The following RIMS1 variants were observed in gnomAD, a reference collection of about 807,000 sequenced individuals.
RIMS1 encodes the protein regulating synaptic membrane exocytosis protein 1.
In RIMS1, 83 loss-of-function variants were observed where a neutral mutation model predicts 214.1. That is an observed-to-expected ratio of 0.39 (90% confidence interval 0.32 to 0.47). RIMS1 has a LOEUF of 0.47. RIMS1 is among the 20% of genes least tolerant of loss of function. The pLI is 0.99. For missense variants in RIMS1, 2,050 were observed against 2,161.8 expected, an observed-to-expected ratio of 0.95 and a Z score of 1.03; for synonymous variants, 793 against 786.8, an observed-to-expected ratio of 1.01 and a Z score of -0.13.
chr6:72,136,543 G>A (rs770818790), intron 4 of RIMS1, among the ~76,000 whole-genome samples: 1 of 151,962 alleles, frequency 6.6e-6, no homozygotes, highest in African/African-American at 2.4e-5. Flanking sequence ...TTTTGAAATC[G>A]AGAATTCTGT....
intron 28 of RIMS1, chr6:72,316,848 G>A (rs2095829167): frequency 2.0e-6 from 2 of 1,008,798 alleles, no homozygotes; most frequent in South Asian, 2.5e-5. Flanking sequence ...AGTGTAGATA[G>A]GCAAGTAGGA....
chr6:72,017,001 T>A (rs1211628914), intron 2 of RIMS1, among the ~76,000 whole-genome samples: 1 of 152,198 alleles, frequency 6.6e-6, no homozygotes, highest in African/African-American at 2.4e-5. Context: ...AAATATTTCA[T>A]ATTATTAGCT....
Position 71,992,402 on chromosome 6 carries a change from CTCTCTT to C in RIMS1, c.245+23343_245+23348del, listed in dbSNP as rs1169392077. 7.2e-3 allele frequency among the ~76,000 whole-genome samples: 1,041 copies of C among 144,054 alleles called. 9 individuals are homozygous for C. The highest frequency in any genetic ancestry group is 0.014 in the African/African-American group (544 of 38,490). The allele number at this position is 144,054 out of a possible 152,430, so 94.5% of individuals were successfully genotyped here. ...TTTGCTTGCTTCTTTCTTTCTCTCT[CTCTCTT>C]TCTTTCTTTCTTTCTTTCTTTCTTT... On this transcript the variant is annotated intron_variant, in intron 2 of 33. Transcript: ENST00000521978.
At position 71,887,132 on chromosome 6, in the gene RIMS1, A is replaced by C. The variant is rs754081836; in HGVS notation, c.109A>C (p.Met37Leu). 2 of 1,613,318 alleles carry C rather than the reference A, an allele frequency of 1.2e-6. No individual in the cohort carries two copies. Among genetic ancestry groups the C allele is most frequent in the Non-Finnish European group, 1.7e-6 (2 of 1,179,626 alleles). The change falls in exon 1 of 34, where the codon ATG becomes CTG. Residue 37 changes from methionine to leucine, a missense_variant. Transcript: ENST00000521978. ...GACCGAAGAGGAGAGGAACATTATC[A>C]TGGCAGTGATGGACCGGCAGAAGGA... ...HLTEEERNIIMAVMDRQKEEE... is the reference protein window; with the variant it reads ...HLTEEERNIILAVMDRQKEEE...
chr6:72,003,694 G>A (rs1197292674), intron 2 of RIMS1, among the ~76,000 whole-genome samples: 1 of 151,828 alleles, frequency 6.6e-6, no homozygotes, highest in Non-Finnish European at 1.5e-5. Context: ...CCTGCTATAT[G>A]ACTGTGTCCA....
intron 4 of RIMS1, among the ~76,000 whole-genome samples, chr6:72,101,450 T>C (rs1483233819): frequency 6.6e-6 from 1 of 152,012 alleles, no homozygotes; most frequent in African/African-American, 2.4e-5. Context: ...CAAGGGAAAC[T>C]GAAGCCACAT....
intron 2 of RIMS1, among the ~76,000 whole-genome samples, chr6:71,993,854 T>A (rs1300785706): frequency 6.6e-6 from 1 of 152,218 alleles, no homozygotes; most frequent in Non-Finnish European, 1.5e-5. Flanking sequence ...TCAGAAATTA[T>A]GGCTCAGATA....
At chr6:72,163,520 A>G (rs2045783691) in intron 4 of RIMS1, among the ~76,000 whole-genome samples, 1 of 138,922 alleles carries the variant, frequency 7.2e-6, no homozygotes, top group Non-Finnish European at 1.6e-5. Flanking sequence ...GGTTTTATCT[A>G]CCTTTGGTCT....
intron 2 of RIMS1, among the ~76,000 whole-genome samples, chr6:71,974,473 A>G (rs780458499): frequency 6.6e-6 from 1 of 152,158 alleles, no homozygotes; most frequent in Admixed American, 6.5e-5. Context: ...ATTTAAAATA[A>G]TCTTTTTTGT....
intron 28 of RIMS1, among the ~76,000 whole-genome samples, chr6:72,329,913 A>G (rs903806655): frequency 6.6e-6 from 1 of 151,786 alleles, no homozygotes; most frequent in East Asian, 1.9e-4. Flanking sequence ...TGACAGCTGG[A>G]TATATAAATC....
At chr6:71,949,138 C>T (rs1176863895) in intron 1 of RIMS1, among the ~76,000 whole-genome samples, 1 of 152,172 alleles carries the variant, frequency 6.6e-6, no homozygotes, top group Non-Finnish European at 1.5e-5. Context: ...TATTTTTATG[C>T]CTTTCAATGC....
intron 3 of RIMS1, among the ~76,000 whole-genome samples, chr6:72,099,747 A>G (rs1040445106): frequency 1.3e-5 from 2 of 152,168 alleles, no homozygotes; most frequent in Non-Finnish European, 2.9e-5. Flanking sequence ...TAACTCTTGT[A>G]TCTAACATAT....
At chr6:72,359,268 C>T (rs2097748929) in intron 29 of RIMS1, among the ~76,000 whole-genome samples, 1 of 152,178 alleles carries the variant, frequency 6.6e-6, no homozygotes, top group Non-Finnish European at 1.5e-5. Context: ...TTTTAATGTG[C>T]TGGTCACATC....
intron 6 of RIMS1, among the ~76,000 whole-genome samples, chr6:72,187,834 C>T (rs2049386950): frequency 6.6e-6 from 1 of 151,992 alleles, no homozygotes; most frequent in Admixed American, 6.6e-5. Context: ...TTAGGGTTCT[C>T]TAGAGGGACA....
At chr6:72,093,574 CTGGATTTTTAAAATCTAA>C (rs1024401611) in intron 2 of RIMS1, among the ~76,000 whole-genome samples, 1 of 151,828 alleles carries the variant, frequency 6.6e-6, no homozygotes, top group African/African-American at 2.4e-5. Context: ...CTTCATTTAG[CTGGATTTTTAAAATCTAA>C]TGTGATGATC....
At chr6:71,897,794 A>G (rs1486753411) in intron 1 of RIMS1, among the ~76,000 whole-genome samples, 1 of 151,996 alleles carries the variant, frequency 6.6e-6, no homozygotes, top group Admixed American at 6.6e-5. Context: ...ATAGGTGCCC[A>G]TTTTTTAAAA....
chr6:72,112,083 T>C (rs1179387418), intron 4 of RIMS1, among the ~76,000 whole-genome samples: 3 of 152,172 alleles, frequency 2.0e-5, no homozygotes, highest in Non-Finnish European at 4.4e-5. Context: ...TCCAGCCTTC[T>C]TCACTGTAGC....
At position 72,233,690 on chromosome 6, in the gene RIMS1, T is replaced by C. The variant is rs1342032882; in HGVS notation, c.1679-83T>C. 5 of 1,001,932 alleles carry C rather than the reference T, an allele frequency of 5.0e-6. No individual in the cohort carries two copies. In the East Asian group the frequency reaches 1.0e-4, roughly 21 times the overall value. 62.1% of individuals were successfully genotyped at this position (1,001,932 alleles called of 1,614,324 possible). A position where few individuals can be genotyped will look rare whatever the true frequency, so the allele number is the denominator to read the frequency against. On this transcript the variant is annotated intron_variant, in intron 6 of 33. Coordinates refer to ENST00000521978, the MANE Select transcript of RIMS1 (RefSeq NM_014989.7). ...TCAAGCTTATGATATTAAAACTCTT[T>C]ATAGATCGAAGAAGTAAAGCTTAAA... is the stretch of plus-strand genomic sequence containing the variant.
At chr6:72,371,361 C>G (rs577485281) in intron 29 of RIMS1, among the ~76,000 whole-genome samples, 1 of 152,182 alleles carries the variant, frequency 6.6e-6, no homozygotes, top group Non-Finnish European at 1.5e-5. Context: ...TAACAGTACT[C>G]TCCTGGAGAA....
Sources: gnomAD v4.1 joint callset for allele counts (sites outside exome capture counted in the v4.1 genomes callset) on GRCh38, gnomAD v4.1.1 for gene constraint, MANE v1.5 for transcripts, NCBI Gene and HGNC (gene_info 2026-07-23, HGNC 2026-07-21) for gene names.